ANXA8: variants seen among roughly 807,000 people sequenced by gnomAD.
ANXA8 encodes VAC-beta.
A neutral mutation model predicts 26.8 loss-of-function variants in ANXA8; 9 were observed. The ratio of observed to expected loss-of-function variants is 0.34; its 90% CI spans 0.20 to 0.59. The LOEUF (loss-of-function observed/expected upper bound fraction) is 0.59. Among genes scored for constraint, ANXA8 ranks in the 20% least tolerant of loss-of-function variants. The pLI is 0.84. For missense variants in ANXA8, 83 were observed against 238.5 expected (o/e 0.35, Z 4.29); for synonymous variants, 39 against 94.8 (o/e 0.41, Z 3.42).
At chr10:47,606,847 C>T in the ANXA8 span, among the ~76,000 whole-genome samples, 3 of 151,880 alleles carry the variant, frequency 2.0e-5, no homozygotes, top group Admixed American at 1.3e-4. Flanking sequence ...TGCACTTGTA[C>T]CCCTGAACTT....
the ANXA8 span, chr10:47,551,960 G>T: frequency 2.7e-6 from 2 of 740,672 alleles, no homozygotes. Flanking sequence ...AACCTACAAG[G>T]AAGAAGGTTG....
chr10:47,672,567 A>G, the ANXA8 span, among the ~76,000 whole-genome samples: 2 of 151,822 alleles, frequency 1.3e-5, no homozygotes, highest in East Asian at 1.9e-4. Context: ...ACTGACAAAT[A>G]AGAAAAATAA....
the ANXA8 span, among the ~76,000 whole-genome samples, chr10:47,717,415 A>C: frequency 6.5e-5 from 5 of 77,482 alleles, no homozygotes; most frequent in African/African-American, 3.3e-4. Flanking sequence ...CCTATTTTAT[A>C]GTTAAATAAA....
At chr10:47,744,410 G>GGGGGGGGGGGA in the ANXA8 span, among the ~76,000 whole-genome samples, 1 of 53,678 alleles carries the variant, frequency 1.9e-5, no homozygotes, top group Non-Finnish European at 4.1e-5. Context: ...AAGGCTCCTG[G>GGGGGGGGGGGA]TGGGGGGGGG....
At chr10:47,587,920 G>A in the ANXA8 span, among the ~76,000 whole-genome samples, 2 of 146,176 alleles carry the variant, frequency 1.4e-5, no homozygotes, top group African/African-American at 5.6e-5. Context: ...GGGTGACCCT[G>A]TTGAAATCTT....
the ANXA8 span, among the ~76,000 whole-genome samples, chr10:47,961,100 G>A: frequency 1.5e-5 from 2 of 133,956 alleles, no homozygotes; most frequent in Non-Finnish European, 3.1e-5. Flanking sequence ...GGGCCTCAGG[G>A]ATTCTGAATG....
chr10:47,956,844 G>T, the ANXA8 span, among the ~76,000 whole-genome samples: 3 of 150,112 alleles, frequency 2.0e-5, no homozygotes, highest in African/African-American at 7.5e-5. Flanking sequence ...ACTCAGGGAA[G>T]GAGACGGCTC....
the ANXA8 span, among the ~76,000 whole-genome samples, chr10:47,647,020 C>T: frequency 8.5e-5 from 13 of 152,296 alleles, no homozygotes; most frequent in African/African-American, 1.4e-4. Context: ...TTTTGGCTTA[C>T]GAATATGATT....
At chr10:47,675,435 T>C in the ANXA8 span, among the ~76,000 whole-genome samples, 1 of 151,816 alleles carries the variant, frequency 6.6e-6, no homozygotes, top group East Asian at 1.9e-4. Flanking sequence ...GGCTTGGCTA[T>C]GAAACACAAG....
At chr10:47,559,142 C>CTTT in the ANXA8 span, among the ~76,000 whole-genome samples, 239 of 73,308 alleles carry the variant, frequency 3.3e-3, 19 homozygotes, top group Non-Finnish European at 5.2e-3. Flanking sequence ...TGGAGTCTTA[C>CTTT]TTTTTTTTTT....
chr10:47,918,450 C>T, the ANXA8 span, among the ~76,000 whole-genome samples: 6 of 43,138 alleles, frequency 1.4e-4, 1 homozygote, highest in Non-Finnish European at 2.5e-4. Context: ...AGAAAGACAG[C>T]GCAGCTCCAG....
the ANXA8 span, chr10:47,563,780 G>A: frequency 2.3e-5 from 17 of 749,640 alleles, no homozygotes; most frequent in Non-Finnish European, 3.4e-5. Context: ...ATACCTTATC[G>A]GAACTGATTT....
chr10:47,735,283 C>T, the ANXA8 span, among the ~76,000 whole-genome samples: 3 of 143,324 alleles, frequency 2.1e-5, no homozygotes, highest in African/African-American at 7.9e-5. Context: ...TTTGTAGAGA[C>T]AGGGTCTCCC....
the ANXA8 span, chr10:47,589,259 C>A: frequency 6.8e-6 from 1 of 147,442 alleles, no homozygotes; most frequent in South Asian, 2.1e-4. Context: ...ACAAACCTGG[C>A]CACAGGAGGC....
chr10:47,657,419 C>T, the ANXA8 span, among the ~76,000 whole-genome samples: 4 of 151,828 alleles, frequency 2.6e-5, no homozygotes, highest in Non-Finnish European at 4.4e-5. Flanking sequence ...GAGAAAATGA[C>T]AGCTGTGTAG....
chr10:47,743,245 CATATATAT>C, the ANXA8 span, among the ~76,000 whole-genome samples: 1 of 94,654 alleles, frequency 1.1e-5, no homozygotes, highest in Non-Finnish European at 2.1e-5. Flanking sequence ...CAACAGGCTT[CATATATAT>C]ATATATATAT....
At chr10:47,675,588 G>A in the ANXA8 span, among the ~76,000 whole-genome samples, 1 of 151,734 alleles carries the variant, frequency 6.6e-6, no homozygotes, top group Non-Finnish European at 1.5e-5. Flanking sequence ...GTTACATATT[G>A]GATTGACTCA....
At chr10:47,617,626 T>C in the ANXA8 span, among the ~76,000 whole-genome samples, 30 of 148,152 alleles carry the variant, frequency 2.0e-4, no homozygotes, top group African/African-American at 7.3e-4. Context: ...TTATATGCCA[T>C]GTTTTGTAGC....
At chr10:47,691,212 A>G in the ANXA8 span, 92 of 1,488,494 alleles carry the variant, frequency 6.2e-5, no homozygotes, top group Middle Eastern at 7.2e-4. Flanking sequence ...TTTCTTGGAG[A>G]TATAATTTTA....
Sources: gnomAD v4.1 joint callset for allele counts (sites outside exome capture counted in the v4.1 genomes callset) on GRCh38, gnomAD v4.1.1 for gene constraint, MANE v1.5 for transcripts, NCBI Gene and HGNC (gene_info 2026-07-23, HGNC 2026-07-21) for gene names.